The following SLC24A2 variants were observed in gnomAD, a reference collection of about 807,000 sequenced individuals.
The protein encoded by SLC24A2 is sodium/potassium/calcium exchanger 2.
Under a neutral mutation model 62.0 loss-of-function variants are expected in SLC24A2, and 36 were observed. The ratio of observed to expected loss-of-function variants is 0.58; its 90% CI spans 0.44 to 0.77. SLC24A2 has a LOEUF of 0.77. Among genes scored for constraint, SLC24A2 ranks in the 30% least tolerant of loss-of-function variants. The pLI is 0.00. For missense variants in SLC24A2, 846 were observed against 817.9 expected (o/e 1.03, Z -0.42); for synonymous variants, 358 against 294.0 (o/e 1.22, Z -2.23).
chr9:20,235,521 C>A, the SLC24A2 span, among the ~76,000 whole-genome samples: 1 of 152,226 alleles, frequency 6.6e-6, no homozygotes, highest in Non-Finnish European at 1.5e-5. Context: ...GGCGTAGGAC[C>A]CTCTGAGCCA....
At chr9:19,846,691 T>C in the SLC24A2 span, among the ~76,000 whole-genome samples, 1 of 152,182 alleles carries the variant, frequency 6.6e-6, no homozygotes, top group African/African-American at 2.4e-5. Context: ...TGTATTTAAG[T>C]GTGTTCAGCA....
At chr9:20,104,074 C>T in the SLC24A2 span, among the ~76,000 whole-genome samples, 12 of 151,980 alleles carry the variant, frequency 7.9e-5, no homozygotes, top group African/African-American at 1.5e-4. Flanking sequence ...GCAGCCGATG[C>T]GATCAACTGG....
In SLC24A2 at chr9:19,662,072, T is replaced by G. The variant is rs1429203711; in HGVS notation, c.931-39773A>C. On this transcript the variant is annotated intron_variant, in intron 2 of 10. Coordinates refer to ENST00000341998, the MANE Select transcript of SLC24A2 (RefSeq NM_020344.4). ...TATTCCTGGCCAAGATCTTTTGATC[T>G]CTAGACAACTGCTGTCCAACAGAAA... Among the ~76,000 whole-genome samples the G allele has an allele frequency of 2.6e-5, 4 of 152,170 alleles. No individual in the cohort carries two copies. The South Asian group carries it at 6.2e-4, about 24-fold the overall frequency.
At chr9:20,262,504 C>T in the SLC24A2 span, among the ~76,000 whole-genome samples, 512 of 152,320 alleles carry the variant, frequency 3.4e-3, 1 homozygote, top group African/African-American at 0.011. Context: ...AGCAGCTTTG[C>T]TGGCCACTGG....
At chr9:19,892,749 C>T in the SLC24A2 span, among the ~76,000 whole-genome samples, 1 of 151,744 alleles carries the variant, frequency 6.6e-6, no homozygotes, top group African/African-American at 2.4e-5. Flanking sequence ...TGTATTTACG[C>T]ATGGAGGAAC....
chr9:19,957,395 C>G, the SLC24A2 span: 1 of 152,190 alleles, frequency 6.6e-6, no homozygotes, highest in African/African-American at 2.4e-5. Flanking sequence ...CAAGCACATT[C>G]AAGTTTGAGA....
chr9:19,536,259 G>C (rs187966785), intron 8 of SLC24A2, among the ~76,000 whole-genome samples: 9 of 148,696 alleles, frequency 6.1e-5, no homozygotes, highest in Admixed American at 1.3e-4. Context: ...GTGCAGGTTA[G>C]TTACATATGT....
chr9:19,948,031 T>C, the SLC24A2 span, among the ~76,000 whole-genome samples: 11 of 152,198 alleles, frequency 7.2e-5, no homozygotes, highest in Admixed American at 4.6e-4. Context: ...TTCAAAAGCC[T>C]GTAACAGAGC....
intron 2 of SLC24A2, among the ~76,000 whole-genome samples, chr9:19,769,404 C>A (rs1156631690): frequency 1.3e-5 from 2 of 152,246 alleles, no homozygotes; most frequent in Admixed American, 6.5e-5. Context: ...TCTGCTCACA[C>A]ACTTGACCCT....
chr9:19,808,178 T>C, the SLC24A2 span, among the ~76,000 whole-genome samples: 1 of 152,184 alleles, frequency 6.6e-6, no homozygotes, highest in Admixed American at 6.5e-5. The surrounding 1 kb of genome is among the most constrained non-coding windows in gnomAD (Gnocchi z 4.1). Flanking sequence ...TAAACATAGA[T>C]TGTGCTGGAA....
At chr9:19,937,801 G>A in the SLC24A2 span, among the ~76,000 whole-genome samples, 1 of 152,138 alleles carries the variant, frequency 6.6e-6, no homozygotes, top group African/African-American at 2.4e-5. Flanking sequence ...GTGTTCTAAT[G>A]CTGTCTTCAG....
At chr9:20,166,843 A>G in the SLC24A2 span, among the ~76,000 whole-genome samples, 115 of 152,106 alleles carry the variant, frequency 7.6e-4, 1 homozygote, top group African/African-American at 2.7e-3. Flanking sequence ...CCAAATGCAA[A>G]CAGAAACATA....
At chr9:19,777,121 A>T (rs1177215044) in intron 2 of SLC24A2, among the ~76,000 whole-genome samples, 5 of 152,224 alleles carry the variant, frequency 3.3e-5, no homozygotes, top group Non-Finnish European at 2.9e-5. Context: ...GGAGAGCTAA[A>T]GTTAGTGATT....
chr9:20,127,520 G>T, the SLC24A2 span, among the ~76,000 whole-genome samples: 1 of 152,068 alleles, frequency 6.6e-6, no homozygotes, highest in Non-Finnish European at 1.5e-5. Context: ...ATAAGACCTG[G>T]GTTTAATCCC....
At chr9:20,233,955 G>A in the SLC24A2 span, among the ~76,000 whole-genome samples, 11 of 152,168 alleles carry the variant, frequency 7.2e-5, no homozygotes, top group East Asian at 5.8e-4. Flanking sequence ...TTGCTTGTCT[G>A]TAAAGTATTT....
chr9:19,976,022 C>G, the SLC24A2 span, among the ~76,000 whole-genome samples: 1 of 152,040 alleles, frequency 6.6e-6, no homozygotes, highest in Non-Finnish European at 1.5e-5. Context: ...AACCACAGGC[C>G]CGTGGCACCA....
intron 2 of SLC24A2, among the ~76,000 whole-genome samples, chr9:19,768,446 C>T (rs1367067211): frequency 1.3e-5 from 2 of 152,114 alleles, no homozygotes; most frequent in Non-Finnish European, 1.5e-5. Flanking sequence ...AGTAGCCTCC[C>T]CTTATCAGAG....
chr9:20,076,344 T>A, the SLC24A2 span, among the ~76,000 whole-genome samples: 2 of 152,282 alleles, frequency 1.3e-5, no homozygotes, highest in South Asian at 4.2e-4. Context: ...AGGAATGAGA[T>A]TGGCACCCAG....
At chr9:20,143,482 A>G in the SLC24A2 span, among the ~76,000 whole-genome samples, 19 of 152,330 alleles carry the variant, frequency 1.2e-4, no homozygotes, top group South Asian at 3.9e-3. Context: ...AAATTCGACC[A>G]GACTATGCCA....
Sources: allele counts gnomAD v4.1 joint callset (sites outside exome capture counted in the v4.1 genomes callset), GRCh38; gene constraint gnomAD v4.1.1; non-coding constraint Gnocchi (gnomAD v3.1); transcripts MANE v1.5; gene names NCBI Gene and HGNC (gene_info 2026-07-23, HGNC 2026-07-21).